The following ZDHHC15 variants were observed in gnomAD, a reference collection of about 807,000 sequenced individuals.
ZDHHC15 encodes the protein palmitoyltransferase ZDHHC15.
In ZDHHC15, 19 loss-of-function variants were observed where a neutral mutation model predicts 31.7. The observed-to-expected ratio is 0.60, with a 90% CI of 0.42 to 0.88. ZDHHC15 has a LOEUF of 0.88. Among genes scored for constraint, ZDHHC15 ranks in the 40% least tolerant of loss-of-function variants. ZDHHC15 has a pLI of 0.00. For missense variants in ZDHHC15, 209 were observed against 251.2 expected (o/e 0.83, Z 1.14); for synonymous variants, 103 against 90.0 (o/e 1.14, Z -0.82).
intron 2 of ZDHHC15, among the ~76,000 whole-genome samples, chrX:75,504,207 G>A (rs761561418): frequency 5.4e-5 from 6 of 111,222 alleles, no homozygotes; most frequent in African/African-American, 2.0e-4. Flanking sequence ...ATAAGAAATG[G>A]GAAAACTTTT....
At chrX:75,373,005 A>G (rs756761326) in intron 11 of ZDHHC15, 60 bp from the exon 12 acceptor site, 1 of 112,075 alleles carries the variant, frequency 8.9e-6, no homozygotes, top group East Asian at 2.8e-4. Context: ...TTCATGTGGT[A>G]ACACCCACTT....
At position 75,369,912 on chromosome X, in the gene ZDHHC15, T is replaced by C. The variant is rs1250355867; in HGVS notation, c.*3066A>G. On this transcript the variant is annotated 3_prime_UTR_variant, in exon 12 of 12. Transcript: ENST00000373367. ...TGAGCCCTGCATAAGACAGCTGTGTTCCATTGGGGACCACTTAATCTCTTT... is the reference window on the plus strand; with the variant it reads ...TGAGCCCTGCATAAGACAGCTGTGTCCCATTGGGGACCACTTAATCTCTTT... 1 of 111,486 alleles carries C rather than the reference T, an allele frequency of 9.0e-6. No homozygotes were observed. Among genetic ancestry groups the C allele is most frequent in the African/African-American group, 3.3e-5 (1 of 30,595 alleles). The allele number at this position is 111,486 out of a possible 1,213,427, so 9.2% of individuals were successfully genotyped here. A position where few individuals can be genotyped will look rare whatever the true frequency, so the allele number is the denominator to read the frequency against.
intron 2 of ZDHHC15, among the ~76,000 whole-genome samples, chrX:75,493,106 C>T (rs1364405196): frequency 9.0e-6 from 1 of 111,585 alleles, no homozygotes; most frequent in Non-Finnish European, 1.9e-5. Context: ...GGGGTATCAC[C>T]ACTGATCCCA....
intron 4 of ZDHHC15, among the ~76,000 whole-genome samples, chrX:75,432,262 C>T (rs1397145502): frequency 1.8e-5 from 2 of 111,102 alleles, no homozygotes; most frequent in Non-Finnish European, 3.8e-5. Context: ...TACTTTCCCT[C>T]TCATTTTCTA....
At chrX:75,518,774 T>A in intron 1 of ZDHHC15, among the ~76,000 whole-genome samples, 1 of 17,866 alleles carries the variant, frequency 5.6e-5, no homozygotes, top group Non-Finnish European at 1.0e-4. Flanking sequence ...AACTGGTATA[T>A]ATATATATAT....
intron 10 of ZDHHC15, among the ~76,000 whole-genome samples, chrX:75,382,668 G>A (rs1009408339): frequency 6.2e-5 from 7 of 112,075 alleles, no homozygotes; most frequent in African/African-American, 2.3e-4. Flanking sequence ...TGTGGAAGAT[G>A]AATCAATTTG....
chrX:75,453,566 C>T (rs1316246397), intron 3 of ZDHHC15, among the ~76,000 whole-genome samples: 2 of 111,232 alleles, frequency 1.8e-5, no homozygotes, highest in African/African-American at 6.5e-5. Context: ...ACACCAAAGG[C>T]TGGCAGTGAC....
intron 10 of ZDHHC15, among the ~76,000 whole-genome samples, chrX:75,400,799 T>C (rs951408635): frequency 2.7e-5 from 3 of 111,585 alleles, no homozygotes; most frequent in Admixed American, 1.9e-4. Flanking sequence ...TGAAACCCTA[T>C]GAGCCAGAAA....
chrX:75,443,085 A>G (rs1039927011), intron 4 of ZDHHC15, among the ~76,000 whole-genome samples: 1 of 111,065 alleles, frequency 9.0e-6, no homozygotes, highest in Non-Finnish European at 1.9e-5. Context: ...GCTACCAATG[A>G]CTTTCTTCAC....
intron 5 of ZDHHC15, among the ~76,000 whole-genome samples, chrX:75,430,926 A>G (rs2083772275): frequency 9.0e-6 from 1 of 111,456 alleles, no homozygotes; most frequent in Admixed American, 9.6e-5. Flanking sequence ...AATCCTAAAT[A>G]CTGTCAAGGT....
At chrX:75,450,600 G>C in intron 4 of ZDHHC15, 2 of 773,208 alleles carry the variant, frequency 2.6e-6, no homozygotes, top group Non-Finnish European at 3.6e-6. Flanking sequence ...TCCAGTTTGG[G>C]GTATACAGTT....
Position 75,431,477 on chromosome X carries a change from G to A in ZDHHC15, c.423C>T (p.Arg141=). The A allele has an allele frequency of 8.3e-7, 1 of 1,210,089 alleles. No individual in the cohort carries two copies. Among genetic ancestry groups the A allele is most frequent in the Non-Finnish European group, 1.1e-6 (1 of 894,922 alleles). The change falls in exon 5 of 12, where the codon CGC becomes CGT. Residue 141 remains arginine, a synonymous_variant. Transcript: ENST00000373367. ...TAGCACAGACAGAGCAGTGGTGGCA[G>A]CGGTCTGGCTTGATCAGATGACACC... ...CDRCHLIKPD[R]CHHCSVCAMC...
chrX:75,373,926 G>GTTTTTTTTTTTTTTTTTTTTTTTTTTT lies in ZDHHC15; in HGVS notation c.*33-982_*33-981insAAAAAAAAAAAAAAAAAAAAAAAAAAA, dbSNP rs35704680. ...ATACTAGGTCTTATTCATTCTTTCT[G>GTTTTTTTTTTTTTTTTTTTTTTTTTTT]TTTTTTTTTTTTTTTTTTTTTTGTA... is the stretch of plus-strand genomic sequence containing the variant. On this transcript the variant is annotated intron_variant, in intron 11 of 11. Transcript: ENST00000373367. Among the ~76,000 whole-genome samples the GTTTTTTTTTTTTTTTTTTTTTTTTTTT allele has an allele frequency of 5.4e-4, 27 of 50,459 alleles. 4 individuals are homozygous for GTTTTTTTTTTTTTTTTTTTTTTTTTTT. The highest frequency in any genetic ancestry group is 7.1e-4 in the Non-Finnish European group (21 of 29,379). 43.8% of individuals were successfully genotyped at this position (50,459 alleles called of 115,157 possible).
At chrX:75,504,843 G>C (rs2085134572) in intron 2 of ZDHHC15, among the ~76,000 whole-genome samples, 1 of 111,763 alleles carries the variant, frequency 8.9e-6, no homozygotes, top group Admixed American at 9.6e-5. Flanking sequence ...ATAATGGTAG[G>C]AAACATGCAC....
intron 1 of ZDHHC15, among the ~76,000 whole-genome samples, chrX:75,509,963 C>A (rs2085235012): frequency 9.0e-6 from 1 of 111,396 alleles, no homozygotes; most frequent in South Asian, 3.7e-4. Context: ...CTTTGATTCC[C>A]CCCACTTTTT....
intron 2 of ZDHHC15, among the ~76,000 whole-genome samples, chrX:75,483,854 G>A (rs768948818): frequency 3.6e-5 from 4 of 110,946 alleles, no homozygotes; most frequent in Non-Finnish European, 7.5e-5. Flanking sequence ...CACACACAAA[G>A]CAGAATCCCT....
chrX:75,495,366 A>T (rs1158071378), intron 2 of ZDHHC15, among the ~76,000 whole-genome samples: 3 of 111,682 alleles, frequency 2.7e-5, no homozygotes, highest in African/African-American at 9.8e-5. Context: ...TGTGGAGGTG[A>T]GTGTGGCGAT....
intron 10 of ZDHHC15, among the ~76,000 whole-genome samples, chrX:75,397,817 C>T (rs897494546): frequency 8.9e-6 from 1 of 111,797 alleles, no homozygotes; most frequent in African/African-American, 3.3e-5. Flanking sequence ...AATCCTCCTC[C>T]ACCCAGGGAA....
In ZDHHC15 at chrX:75,381,967, A is replaced by G. The variant is rs2083119597; in HGVS notation, c.968-2769T>C. ...TTGCCTCATCCTCAAAACTCTCACCAGAATAGCCCACTTCCCCCCTTTACT... is the reference window on the plus strand; with the variant it reads ...TTGCCTCATCCTCAAAACTCTCACCGGAATAGCCCACTTCCCCCCTTTACT... On this transcript the variant is annotated intron_variant, in intron 10 of 11. Coordinates refer to ENST00000373367, the MANE Select transcript of ZDHHC15 (RefSeq NM_144969.3). Among the ~76,000 whole-genome samples the G allele has an allele frequency of 2.7e-5, 3 of 112,050 alleles. No individual in the cohort carries two copies. In the Admixed American group the frequency reaches 2.9e-4, roughly 11 times the overall value.
Sources: allele counts gnomAD v4.1 joint callset (sites outside exome capture counted in the v4.1 genomes callset), GRCh38; gene constraint gnomAD v4.1.1; transcripts MANE v1.5; gene names NCBI Gene and HGNC (gene_info 2026-07-23, HGNC 2026-07-21).